Variants in FARS2 observed in about 807,000 individuals in gnomAD.
FARS2 encodes phenylalanine--tRNA ligase, mitochondrial.
Under a neutral mutation model 46.4 loss-of-function variants are expected in FARS2, and 40 were observed. The ratio of observed to expected loss-of-function variants is 0.86; its 90% CI spans 0.67 to 1.12. The LOEUF is 1.12. Among genes scored for constraint, FARS2 ranks in the 50% most tolerant of loss-of-function variants. The pLI, the probability that FARS2 is intolerant of heterozygous loss-of-function variation, is 0.00. For synonymous variants in FARS2, 234 were observed against 214.9 expected, an observed-to-expected ratio of 1.09 and a Z score of -0.78; for missense variants, 513 against 567.9, an observed-to-expected ratio of 0.90 and a Z score of 0.98.
intron 6 of FARS2, among the ~76,000 whole-genome samples, chr6:5,653,476 G>C (rs921251703): frequency 6.6e-6 from 1 of 152,194 alleles, no homozygotes; most frequent in African/African-American, 2.4e-5. Context: ...TGGGTATAAT[G>C]ACGAGTAAAG....
At chr6:5,444,732 C>T (rs1341817948) in intron 4 of FARS2, among the ~76,000 whole-genome samples, 1 of 152,160 alleles carries the variant, frequency 6.6e-6, no homozygotes, top group Non-Finnish European at 1.5e-5. Flanking sequence ...CCCCACTCCT[C>T]ATCCCAATGT....
intron 6 of FARS2, among the ~76,000 whole-genome samples, chr6:5,641,108 G>T (rs1050283161): frequency 6.6e-6 from 1 of 152,048 alleles, no homozygotes; most frequent in Non-Finnish European, 1.5e-5. Context: ...CAGTTGTTCT[G>T]CAACATTGTC....
chr6:5,699,765 T>A (rs917228909), intron 6 of FARS2, among the ~76,000 whole-genome samples: 1 of 152,156 alleles, frequency 6.6e-6, no homozygotes, highest in Non-Finnish European at 1.5e-5. Flanking sequence ...CACTTATGCC[T>A]AGTACTGGGT....
At chr6:5,593,684 T>C (rs1280325072) in intron 5 of FARS2, among the ~76,000 whole-genome samples, 1 of 152,140 alleles carries the variant, frequency 6.6e-6, no homozygotes, top group Non-Finnish European at 1.5e-5. Context: ...ATCCTTGGGT[T>C]ATTTGGGGAG....
At chr6:5,363,759 C>T (rs1758467924) in intron 1 of FARS2, among the ~76,000 whole-genome samples, 1 of 152,210 alleles carries the variant, frequency 6.6e-6, no homozygotes, top group Non-Finnish European at 1.5e-5. Context: ...TACGTCCCCT[C>T]TGTCTTACTC....
intron 5 of FARS2, among the ~76,000 whole-genome samples, chr6:5,592,981 G>A (rs1774001131): frequency 1.3e-5 from 2 of 152,148 alleles, no homozygotes; most frequent in Admixed American, 1.3e-4. Context: ...AAGGCGATCG[G>A]CGCTTCTTCT....
At chr6:5,349,102 C>G (rs543546813) in intron 1 of FARS2, among the ~76,000 whole-genome samples, 2 of 152,274 alleles carry the variant, frequency 1.3e-5, no homozygotes, top group South Asian at 4.1e-4. Flanking sequence ...AAACATAACA[C>G]CCTCCTAAAA....
At chr6:5,538,312 T>G (rs1453844057) in intron 4 of FARS2, among the ~76,000 whole-genome samples, 2 of 152,144 alleles carry the variant, frequency 1.3e-5, no homozygotes, top group Non-Finnish European at 2.9e-5. Context: ...CATAAAGAAT[T>G]TGAAGTGCCT....
chr6:5,381,253 TC>T (rs1047757226), intron 2 of FARS2, among the ~76,000 whole-genome samples: 122 of 152,102 alleles, frequency 8.0e-4, no homozygotes, highest in African/African-American at 2.7e-3. Context: ...CGCCTCGGCC[TC>T]CCTAAGTGCT....
chr6:5,378,937 G>A (rs1288523721), intron 2 of FARS2, among the ~76,000 whole-genome samples: 2 of 152,214 alleles, frequency 1.3e-5, no homozygotes, highest in Admixed American at 6.5e-5. Flanking sequence ...AGGACCGTTT[G>A]GAGAGAGACC....
chr6:5,725,130 C>A (rs1238144959), intron 6 of FARS2, among the ~76,000 whole-genome samples: 1 of 152,218 alleles, frequency 6.6e-6, no homozygotes, highest in Non-Finnish European at 1.5e-5. Flanking sequence ...CATGAAATCT[C>A]TGGATGATGC....
At chr6:5,282,367 C>T (rs902083972) in intron 1 of FARS2, among the ~76,000 whole-genome samples, 4 of 152,160 alleles carry the variant, frequency 2.6e-5, no homozygotes, top group African/African-American at 7.2e-5. Context: ...TGGTCCATGG[C>T]GCTTAGGGGA....
chr6:5,314,702 C>T (rs533402046), intron 1 of FARS2, among the ~76,000 whole-genome samples: 2 of 152,292 alleles, frequency 1.3e-5, no homozygotes, highest in Admixed American at 6.5e-5. Flanking sequence ...TCTCCTCACA[C>T]TTGTGACCCA....
chr6:5,620,599 G>C (rs1446574209), intron 6 of FARS2, among the ~76,000 whole-genome samples: 1 of 152,110 alleles, frequency 6.6e-6, no homozygotes, highest in Admixed American at 6.5e-5. Context: ...CACTTATTCT[G>C]TCTCTCCCCA....
intron 6 of FARS2, among the ~76,000 whole-genome samples, chr6:5,750,278 C>A (rs1286080347): frequency 6.6e-6 from 1 of 151,902 alleles, no homozygotes; most frequent in Non-Finnish European, 1.5e-5. Flanking sequence ...GGGGGTGGGG[C>A]AGGATATAGA....
intron 5 of FARS2, among the ~76,000 whole-genome samples, chr6:5,588,765 G>A (rs542048654): frequency 1.3e-5 from 2 of 152,070 alleles, no homozygotes; most frequent in African/African-American, 2.4e-5. Context: ...AGGTTCTTTC[G>A]CGTGCAGTTC....
At chr6:5,328,286 C>T (rs78184173) in intron 1 of FARS2, among the ~76,000 whole-genome samples, 1 of 152,066 alleles carries the variant, frequency 6.6e-6, no homozygotes, top group African/African-American at 2.4e-5. Context: ...CACTATTGCC[C>T]CTGTTGGTTG....
intron 1 of FARS2, among the ~76,000 whole-genome samples, chr6:5,316,301 C>G (rs1372752028): frequency 1.3e-5 from 2 of 152,142 alleles, no homozygotes; most frequent in African/African-American, 4.8e-5. Context: ...GTATTTGAAA[C>G]AAACATATGT....
Position 5,534,840 on chromosome 6 carries a change from C to T in FARS2, c.905-10340C>T, listed in dbSNP as rs374859764. ...ACACACATGCACGCACACACACGCACGCATACACACTTGCACGCGCACACA... is the reference window on the plus strand; with the variant it reads ...ACACACATGCACGCACACACACGCATGCATACACACTTGCACGCGCACACA... On this transcript the variant is annotated intron_variant, in intron 4 of 6. Transcript: ENST00000274680. Among the ~76,000 whole-genome samples the T allele has an allele frequency of 2.4e-4, 36 of 151,326 alleles. 1 individual carries two copies. The highest frequency in any genetic ancestry group is 1.9e-3 in the South Asian group (9 of 4,766).
Sources: allele counts gnomAD v4.1 joint callset (sites outside exome capture counted in the v4.1 genomes callset), GRCh38; gene constraint gnomAD v4.1.1; transcripts MANE v1.5; gene names NCBI Gene and HGNC (gene_info 2026-07-23, HGNC 2026-07-21).